PTPRK: variants seen among roughly 807,000 people sequenced by gnomAD.
PTPRK encodes the protein protein tyrosine phosphatase receptor type K, also known as receptor-type tyrosine-protein phosphatase kappa.
A neutral mutation model predicts 178.0 loss-of-function variants in PTPRK; 75 were observed. The ratio of observed to expected loss-of-function variants is 0.42; its 90% CI spans 0.35 to 0.51. PTPRK has a LOEUF of 0.51. Ranked by LOEUF, PTPRK falls within the 20% of genes least tolerant of loss-of-function variation. The probability of loss-of-function intolerance (pLI) is 0.02; values close to 1 mark genes in which losing one functional copy is unlikely to be tolerated. For missense variants in PTPRK, 1,441 were observed against 1,797.8 expected (o/e 0.80, Z 3.59); for synonymous variants, 637 against 620.6 (o/e 1.03, Z -0.39).
chr6:128,133,542 T>C (rs1409975432), intron 7 of PTPRK, among the ~76,000 whole-genome samples: 2 of 152,190 alleles, frequency 1.3e-5, no homozygotes, highest in East Asian at 3.8e-4. Flanking sequence ...TGAGCTAATA[T>C]TTTTAAATTT....
chr6:128,288,796 T>C (rs1348987267), intron 3 of PTPRK, among the ~76,000 whole-genome samples: 1 of 152,196 alleles, frequency 6.6e-6, no homozygotes, highest in Non-Finnish European at 1.5e-5. Flanking sequence ...ATATGTTATA[T>C]AATTTAGTGG....
At chr6:128,372,037 A>G (rs1338395812) in intron 2 of PTPRK, among the ~76,000 whole-genome samples, 1 of 152,248 alleles carries the variant, frequency 6.6e-6, no homozygotes, top group East Asian at 1.9e-4. Flanking sequence ...ACACAACTGC[A>G]TGAAATGACA....
intron 10 of PTPRK, among the ~76,000 whole-genome samples, chr6:128,079,991 T>A (rs1286294564): frequency 1.4e-5 from 2 of 147,288 alleles, no homozygotes; most frequent in Non-Finnish European, 3.0e-5. Flanking sequence ...TAGACAGTTC[T>A]CAGGTGATGT....
chr6:128,334,298 A>G (rs1326561862), intron 2 of PTPRK, among the ~76,000 whole-genome samples: 3 of 152,228 alleles, frequency 2.0e-5, no homozygotes, highest in African/African-American at 7.2e-5. Flanking sequence ...TCTGCAAAGT[A>G]CAATGAGGCA....
chr6:128,487,462 A>C (rs184843493), intron 1 of PTPRK, among the ~76,000 whole-genome samples: 249 of 151,674 alleles, frequency 1.6e-3, no homozygotes, highest in African/African-American at 5.8e-3. Flanking sequence ...ATAGAAAACA[A>C]AATTTGTTTT....
Position 128,194,092 on chromosome 6 carries a change from TA to T in PTPRK, c.869-9368del, listed in dbSNP as rs1238407515. Among the ~76,000 whole-genome samples the T allele has an allele frequency of 3.1e-3, 458 of 147,326 alleles. 5 individuals are homozygous for T. Among genetic ancestry groups the T allele is most frequent in the African/African-American group, 0.011 (435 of 40,554 alleles). On this transcript the variant is annotated intron_variant, in intron 6 of 29. Coordinates refer to ENST00000368226, the MANE Select transcript of PTPRK (RefSeq NM_002844.4). ...TTATTATTATTATTATTATTATTAT[TA>T]TTATTATTAGGAAACGGAGTCTTGC...
chr6:127,989,965 C>G (rs1003996270), intron 21 of PTPRK, among the ~76,000 whole-genome samples: 3 of 152,048 alleles, frequency 2.0e-5, no homozygotes, highest in Non-Finnish European at 4.4e-5. Flanking sequence ...CCAAGCTTTA[C>G]CACAAAATGT....
chr6:128,248,069 A>T (rs1198073290), intron 3 of PTPRK, among the ~76,000 whole-genome samples: 1 of 152,214 alleles, frequency 6.6e-6, no homozygotes, highest in Non-Finnish European at 1.5e-5. Flanking sequence ...TCAGTAACGA[A>T]TAAAATAGGC....
At chr6:128,308,362 C>T (rs1826747245) in intron 3 of PTPRK, among the ~76,000 whole-genome samples, 2 of 151,670 alleles carry the variant, frequency 1.3e-5, no homozygotes, top group Non-Finnish European at 2.9e-5. Context: ...ATAAAACATA[C>T]ATATATTATT....
intron 6 of PTPRK, among the ~76,000 whole-genome samples, chr6:128,201,303 T>C (rs1275939044): frequency 6.6e-6 from 1 of 152,108 alleles, no homozygotes; most frequent in East Asian, 1.9e-4. Context: ...GCAAGAGCAA[T>C]AGCAGAATAA....
chr6:128,176,538 C>A (rs1801108298), intron 7 of PTPRK, among the ~76,000 whole-genome samples: 1 of 151,798 alleles, frequency 6.6e-6, no homozygotes, highest in Non-Finnish European at 1.5e-5. Flanking sequence ...ACATAAAAGG[C>A]ATGAATTTCT....
intron 7 of PTPRK, among the ~76,000 whole-genome samples, chr6:128,160,267 C>CA (rs1183075333): frequency 2.6e-5 from 4 of 151,372 alleles, no homozygotes; most frequent in African/African-American, 7.3e-5. Context: ...TTAGAGGGGA[C>CA]AAAAAATACT....
At chr6:128,040,772 A>G (rs1777032948) in intron 13 of PTPRK, among the ~76,000 whole-genome samples, 1 of 152,100 alleles carries the variant, frequency 6.6e-6, no homozygotes, top group African/African-American at 2.4e-5. Flanking sequence ...CTGAATTTCT[A>G]TATTTTGTTA....
intron 1 of PTPRK, among the ~76,000 whole-genome samples, chr6:128,441,957 C>T (rs181005239): frequency 6.6e-6 from 1 of 152,234 alleles, no homozygotes; most frequent in East Asian, 1.9e-4. Context: ...AAATAACAAT[C>T]AAAACTAAAT....
At chr6:128,248,098 G>A (rs1202994440) in intron 3 of PTPRK, among the ~76,000 whole-genome samples, 1 of 152,124 alleles carries the variant, frequency 6.6e-6, no homozygotes, top group Non-Finnish European at 1.5e-5. Flanking sequence ...CACACACAAA[G>A]ATAGAATGAC....
chr6:128,399,666 T>C (rs1393567130), intron 1 of PTPRK, among the ~76,000 whole-genome samples: 1 of 152,228 alleles, frequency 6.6e-6, no homozygotes, highest in Non-Finnish European at 1.5e-5. Flanking sequence ...CCCTTTATAA[T>C]AGTGTGAGTG....
chr6:128,085,615 C>T (rs76601637), intron 8 of PTPRK, among the ~76,000 whole-genome samples: 3 of 152,104 alleles, frequency 2.0e-5, no homozygotes, highest in Non-Finnish European at 2.9e-5. Context: ...TATCGAACAT[C>T]GTTCAATAAT....
rs143836849 is a variant in PTPRK at position 127,998,003 on chromosome 6, T to C, written c.2679+717A>G. Among the ~76,000 whole-genome samples the C allele has an allele frequency of 5.2e-3, 788 of 152,230 alleles. 4 individuals are homozygous for C. The highest frequency in any genetic ancestry group is 0.018 in the African/African-American group (733 of 41,558). ...GACTGGCTTCCTTCCATGCCCCAGA[T>C]TGGTATTTCTCAGTAAGTGAAGGGT... is the stretch of plus-strand genomic sequence containing the variant. On this transcript the variant is annotated intron_variant, in intron 16 of 29. Transcript: ENST00000368226.
rs555213420 is a variant in PTPRK, at chr6:128,220,444, A to T, written c.694-1348T>A. Reference sequence around the variant, plus strand: ...AGAATTGGTCATGATCCACAACCTCATTTCTTGTTGGTGAAATTCTAACTA... The same window carrying T: ...AGAATTGGTCATGATCCACAACCTCTTTTCTTGTTGGTGAAATTCTAACTA... On this transcript the variant is annotated intron_variant, in intron 5 of 29. Transcript: ENST00000368226. Among the ~76,000 whole-genome samples the T allele has an allele frequency of 5.3e-5, 8 of 152,328 alleles. No homozygotes were observed. The South Asian group carries it at 1.2e-3, about 24-fold the overall frequency.
Sources: gnomAD v4.1 joint callset for allele counts (sites outside exome capture counted in the v4.1 genomes callset) on GRCh38, gnomAD v4.1.1 for gene constraint, MANE v1.5 for transcripts, NCBI Gene and HGNC (gene_info 2026-07-23, HGNC 2026-07-21) for gene names.